The following DMD variants were observed in gnomAD, a reference collection of about 807,000 sequenced individuals.
DMD encodes the protein mutant dystrophin.
In DMD, 63 loss-of-function variants were observed where a neutral mutation model predicts 330.1. The observed-to-expected ratio is 0.19, with a 90% confidence interval of 0.16 to 0.24. The LOEUF is 0.24. Ranked by LOEUF, DMD falls within the 10% of genes least tolerant of loss-of-function variation. The pLI, the probability that DMD is intolerant of heterozygous loss-of-function variation, is 1.00. For missense variants in DMD, 3,344 were observed against 2,684.1 expected (o/e 1.25, Z -5.43); for synonymous variants, 1,223 against 959.8 (o/e 1.27, Z -5.07).
chrX:31,928,173 T>G (rs1029640042), intron 47 of DMD, among the ~76,000 whole-genome samples: 1 of 112,033 alleles, frequency 8.9e-6, no homozygotes, highest in Non-Finnish European at 1.9e-5. Context: ...GTGGCAAATA[T>G]ATAATTCCAA....
Position 32,595,869 on chromosome X carries a change from T to A in DMD, c.1490A>T (p.Gln497Leu). 1.7e-6 allele frequency: 2 copies of A among 1,189,087 alleles called. No homozygotes were observed. Among genetic ancestry groups the A allele is most frequent in the Non-Finnish European group, 2.3e-6 (2 of 875,152 alleles). ...GACTTGTTCTTGTTCTAGATCTTCTTGAAGCACCTGAAAGATAAAATGTTT... is the reference window on the plus strand; with the variant it reads ...GACTTGTTCTTGTTCTAGATCTTCTAGAAGCACCTGAAAGATAAAATGTTT... Reference protein sequence around the residue: ...KRQVQQHKVLQEDLEQEQVRV... With the variant: ...KRQVQQHKVLLEDLEQEQVRV... The change falls in exon 13 of 79, where the codon CAA becomes CTA. Residue 497 changes from glutamine to leucine, a missense_variant. By Grantham distance (113) the Gln-to-Leu change is moderately radical. Transcript: ENST00000357033.
intron 52 of DMD, among the ~76,000 whole-genome samples, chrX:31,700,078 C>G (rs62589480): frequency 0.13 from 14,267 of 108,062 alleles, 839 homozygotes; most frequent in Admixed American, 0.31. Flanking sequence ...CCCAGCTACT[C>G]GGGAGGCTGA....
intron 11 of DMD, among the ~76,000 whole-genome samples, chrX:32,617,093 G>C (rs1449276948): frequency 1.8e-5 from 2 of 110,609 alleles, no homozygotes; most frequent in South Asian, 3.8e-4. Flanking sequence ...TTACCATACA[G>C]AACCTAAGCA....
At chrX:31,908,723 C>T (rs773032830) in intron 47 of DMD, among the ~76,000 whole-genome samples, 9 of 110,030 alleles carry the variant, frequency 8.2e-5, no homozygotes, top group African/African-American at 3.0e-4. Context: ...TATATATATA[C>T]TTATATATAT....
At chrX:33,214,127 AG>A (rs1221726811), upstream of DMD, among the ~76,000 whole-genome samples, 1 of 105,794 alleles carries the variant, frequency 9.5e-6, no homozygotes, top group African/African-American at 3.5e-5. Flanking sequence ...TTTATTGCTG[AG>A]TAGTAGTTCA....
chrX:32,636,489 C>A (rs1386468621), intron 11 of DMD, among the ~76,000 whole-genome samples: 1 of 112,013 alleles, frequency 8.9e-6, no homozygotes, highest in African/African-American at 3.2e-5. Context: ...TGTTTTTATA[C>A]TGAATTCTAT....
rs376620091 is a variant in DMD, at chrX:32,403,560, C to T, written c.4233+8192G>A. On this transcript the variant is annotated intron_variant, in intron 30 of 78. Coordinates refer to ENST00000357033, the MANE Select transcript of DMD (RefSeq NM_004006.3). ...CAGGTTGTCCAAGTACAGTCAGTGA[C>T]GTGTGGCAAGTTTCTAGTATTTTAC... Among the ~76,000 whole-genome samples the T allele has an allele frequency of 5.4e-5, 6 of 111,603 alleles. No individual in the cohort carries two copies. The South Asian group carries it at 1.8e-3, about 34-fold the overall frequency.
intron 77 of DMD, among the ~76,000 whole-genome samples, chrX:31,130,190 A>G (rs1335609677): frequency 8.9e-6 from 1 of 112,208 alleles, no homozygotes. Flanking sequence ...ATCAATGCAC[A>G]TACATATAAA....
At chrX:32,481,997 A>G (rs2041947167) in intron 21 of DMD, among the ~76,000 whole-genome samples, 1 of 111,896 alleles carries the variant, frequency 8.9e-6, no homozygotes, top group Non-Finnish European at 1.9e-5. Flanking sequence ...AGAACAGTCA[A>G]AACACTGGCT....
intron 1 of DMD, among the ~76,000 whole-genome samples, chrX:33,293,567 G>A (rs1285807547): frequency 9.0e-6 from 1 of 111,061 alleles, no homozygotes; most frequent in Non-Finnish European, 1.9e-5. Context: ...TTCTTATTAT[G>A]TCCTATCAGA....
At chrX:32,067,387 T>C (rs2096266487) in intron 44 of DMD, among the ~76,000 whole-genome samples, 1 of 110,775 alleles carries the variant, frequency 9.0e-6, no homozygotes, top group Non-Finnish European at 1.9e-5. Context: ...AGAGGGTACA[T>C]GTTCAGGTTT....
chrX:31,298,058 A>G (rs923169402), intron 62 of DMD, among the ~76,000 whole-genome samples: 19 of 112,005 alleles, frequency 1.7e-4, no homozygotes, highest in Middle Eastern at 4.6e-3. Context: ...GTGGGCTAGC[A>G]CAGGCTTGCC....
chrX:31,992,239 C>T (rs973856546), intron 44 of DMD, among the ~76,000 whole-genome samples: 3 of 111,805 alleles, frequency 2.7e-5, no homozygotes, highest in Non-Finnish European at 5.7e-5. Context: ...GAATGACTTA[C>T]GGTTTTGTGT....
At chrX:31,822,653 G>GGGGGTGT (rs58903799) in intron 49 of DMD, among the ~76,000 whole-genome samples, 7 of 65,809 alleles carry the variant, frequency 1.1e-4, no homozygotes, top group African/African-American at 3.8e-4. Flanking sequence ...AAGGCAGAGG[G>GGGGGTGT]GTGTGTGTGT....
At chrX:31,126,838 C>T in intron 77 of DMD, 165 bp from the exon 78 acceptor site, 2 of 454,686 alleles carry the variant, frequency 4.4e-6, no homozygotes, top group Non-Finnish European at 3.8e-6. Context: ...AAACAAAAAA[C>T]CCAAAAGACA....
intron 2 of DMD, among the ~76,000 whole-genome samples, chrX:32,998,852 A>T (rs1249298028): frequency 8.9e-6 from 1 of 111,950 alleles, no homozygotes; most frequent in Non-Finnish European, 1.9e-5. Flanking sequence ...TCTAACATTC[A>T]TATTTCTTGG....
At chrX:32,373,345 T>C (rs1275516633) in intron 34 of DMD, among the ~76,000 whole-genome samples, 3 of 108,855 alleles carry the variant, frequency 2.8e-5, no homozygotes, top group Admixed American at 9.9e-5. Context: ...AATTCTATGG[T>C]CAAACAGGGT....
chrX:31,204,770 A>G (rs1602677711), intron 66 of DMD, among the ~76,000 whole-genome samples: 1 of 112,122 alleles, frequency 8.9e-6, no homozygotes, highest in East Asian at 2.8e-4. Context: ...TTACAGGCAC[A>G]TGCCATCACA....
chrX:31,283,082 C>G (rs2052744442), intron 62 of DMD, among the ~76,000 whole-genome samples: 1 of 111,420 alleles, frequency 9.0e-6, no homozygotes, highest in Admixed American at 9.6e-5. Context: ...TGAATTTAAT[C>G]AAATATTAGG....
Sources: allele counts gnomAD v4.1 joint callset (sites outside exome capture counted in the v4.1 genomes callset), GRCh38; gene constraint gnomAD v4.1.1; transcripts MANE v1.5; gene names NCBI Gene and HGNC (gene_info 2026-07-23, HGNC 2026-07-21).